TMOD1: variants seen among roughly 807,000 people sequenced by gnomAD.
TMOD1 encodes the protein tropomodulin 1.
TMOD1 carries 17 observed loss-of-function variants against 40.6 expected under a neutral mutation model. The ratio of observed to expected loss-of-function variants is 0.42; its 90% CI spans 0.29 to 0.63. TMOD1 has a LOEUF of 0.63. Ranked by LOEUF, TMOD1 falls within the 20% of genes least tolerant of loss-of-function variation. The pLI is 0.22. For synonymous variants in TMOD1, 181 were observed against 175.0 expected (o/e 1.03, Z -0.27); for missense variants, 391 against 447.6 (o/e 0.87, Z 1.14).
intron 1 of TMOD1, among the ~76,000 whole-genome samples, chr9:97,521,940 A>G (rs1829922768): frequency 6.6e-6 from 1 of 152,218 alleles, no homozygotes; most frequent in Admixed American, 6.5e-5. Flanking sequence ...ATTAACAACT[A>G]TTCCCAGGTT....
At chr9:97,594,528 C>T (rs539040982) in intron 9 of TMOD1, among the ~76,000 whole-genome samples, 8 of 152,312 alleles carry the variant, frequency 5.3e-5, no homozygotes, top group Non-Finnish European at 1.0e-4. Flanking sequence ...CCTCTCAGGC[C>T]TCCTGCTCAT....
rs745600236 is a variant in TMOD1 at position 97,524,242 on chromosome 9, C to T, written c.54C>T (p.Ile18=). 1.2e-6 allele frequency: 2 copies of T among 1,614,014 alleles called. No homozygotes were observed. The highest frequency in any genetic ancestry group is 1.7e-5 in the Admixed American group (1 of 59,994). The change falls in exon 2 of 10, where the codon ATC becomes ATT. Residue 18 remains isoleucine, a synonymous_variant. Coordinates refer to ENST00000259365, the MANE Select transcript of TMOD1 (RefSeq NM_003275.4). The part of the protein sequence containing the change: ...EKYRDLDEDE[I]LGALTEEELR... ...ACCGTGACCTGGATGAAGATGAAAT[C>T]CTTGGAGCCCTAACAGAGGAAGAGC...
chr9:97,522,937 T>C (rs1018194070), intron 1 of TMOD1, among the ~76,000 whole-genome samples: 1 of 152,208 alleles, frequency 6.6e-6, no homozygotes, highest in African/African-American at 2.4e-5. Flanking sequence ...TTAGCCAAGC[T>C]GGAGGACAAT....
intron 8 of TMOD1, among the ~76,000 whole-genome samples, chr9:97,571,262 G>C (rs1830813110): frequency 6.6e-6 from 1 of 152,222 alleles, no homozygotes; most frequent in Admixed American, 6.5e-5. Flanking sequence ...TGTGGTGGCA[G>C]CTGCCAGGGA....
At chr9:97,577,903 C>T (rs987478393) in intron 8 of TMOD1, among the ~76,000 whole-genome samples, 7 of 152,186 alleles carry the variant, frequency 4.6e-5, no homozygotes, top group Admixed American at 1.3e-4. Context: ...GTTTAGCATG[C>T]AGTAATCACT....
Position 97,591,340 on chromosome 9 carries a change from A to T in TMOD1, c.920A>T (p.Glu307Val). ...GAAATGGAGATTGTGAGCATGTTGG[A>T]AAAAAACGCAACACTTCTCAAATTC... ...KVEMEIVSML[E>V]KNATLLKFGY... The change falls in exon 9 of 10, where the codon GAA becomes GTA. Residue 307 changes from glutamate to valine, a missense_variant. Glu to Val is a moderately radical substitution (Grantham distance 121). Transcript: ENST00000259365. The T allele has an allele frequency of 6.2e-7, 1 of 1,614,088 alleles. No homozygotes were observed. The highest frequency in any genetic ancestry group is 1.1e-5 in the South Asian group (1 of 91,068).
At chr9:97,576,727 A>G (rs1024394950) in intron 8 of TMOD1, among the ~76,000 whole-genome samples, 2 of 151,040 alleles carry the variant, frequency 1.3e-5, no homozygotes, top group Admixed American at 1.3e-4. Context: ...TCCGCCTCCC[A>G]GGTTCACGCC....
chr9:97,588,304 G>A (rs1587962382), intron 8 of TMOD1, among the ~76,000 whole-genome samples: 1 of 152,166 alleles, frequency 6.6e-6, no homozygotes, highest in African/African-American at 2.4e-5. Flanking sequence ...TATGTGTGAA[G>A]TGGAATCTCA....
At chr9:97,578,922 G>A (rs1825678177) in intron 8 of TMOD1, among the ~76,000 whole-genome samples, 1 of 152,166 alleles carries the variant, frequency 6.6e-6, no homozygotes, top group Non-Finnish European at 1.5e-5. Flanking sequence ...CAGGGTTCCT[G>A]CTAACTGGGG....
intron 8 of TMOD1, among the ~76,000 whole-genome samples, chr9:97,573,043 G>C (rs1287316523): frequency 6.6e-6 from 1 of 152,242 alleles, no homozygotes; most frequent in Non-Finnish European, 1.5e-5. Flanking sequence ...GGACTAGCCT[G>C]AGGCCACAGG....
At chr9:97,520,385 T>A (rs929667585) in intron 1 of TMOD1, among the ~76,000 whole-genome samples, 1 of 152,182 alleles carries the variant, frequency 6.6e-6, no homozygotes, top group Non-Finnish European at 1.5e-5. Flanking sequence ...TTCTAAGCCA[T>A]ATTTTAAGAC....
intron 2 of TMOD1, among the ~76,000 whole-genome samples, chr9:97,545,511 G>T (rs527241517): frequency 1.3e-5 from 2 of 152,214 alleles, no homozygotes; most frequent in South Asian, 4.1e-4. Flanking sequence ...CAGGGGCGAC[G>T]TTCAAAATAT....
At position 97,600,571 on chromosome 9, in the gene TMOD1, A is replaced by G. The variant is rs1826234476; in HGVS notation, c.*873A>G. 2 of 986,274 alleles carry G rather than the reference A, an allele frequency of 2.0e-6. No homozygotes were observed. Among genetic ancestry groups the G allele is most frequent in the South Asian group, 4.7e-5 (1 of 21,338 alleles). 61.1% of individuals were successfully genotyped at this position (986,274 alleles called of 1,614,324 possible). ...TGGCTTATGTGAGGTAAGACACTAG[A>G]GGGATAAATTTCCAGATCAACATGG... On this transcript the variant is annotated 3_prime_UTR_variant, in exon 10 of 10. Coordinates refer to ENST00000259365, the MANE Select transcript of TMOD1 (RefSeq NM_003275.4).
intron 8 of TMOD1, among the ~76,000 whole-genome samples, chr9:97,589,279 ATTT>A (rs563136711): frequency 1.9e-3 from 213 of 109,466 alleles, no homozygotes; most frequent in African/African-American, 7.7e-3. Context: ...AAACTCACTA[ATTT>A]TTTTTTTTTT....
intron 8 of TMOD1, among the ~76,000 whole-genome samples, chr9:97,570,576 C>A (rs1477411221): frequency 2.0e-5 from 3 of 152,058 alleles, no homozygotes; most frequent in Non-Finnish European, 2.9e-5. Context: ...CACTAGTCTG[C>A]CATAGCTCCT....
At chr9:97,518,199 G>C (rs1462948824) in intron 1 of TMOD1, among the ~76,000 whole-genome samples, 1 of 152,190 alleles carries the variant, frequency 6.6e-6, no homozygotes, top group East Asian at 1.9e-4. Context: ...GGTCCTTAGG[G>C]AAGCCCTAAT....
At chr9:97,587,011 C>T (rs1206099715) in intron 8 of TMOD1, among the ~76,000 whole-genome samples, 5 of 152,202 alleles carry the variant, frequency 3.3e-5, no homozygotes, top group African/African-American at 9.6e-5. Flanking sequence ...TGTTCCTATT[C>T]GGCCATCTTG....
intron 1 of TMOD1, among the ~76,000 whole-genome samples, chr9:97,519,609 G>C (rs1336533628): frequency 6.6e-6 from 1 of 152,128 alleles, no homozygotes; most frequent in Admixed American, 6.5e-5. Context: ...TCTTGCCGTG[G>C]TAAAGATGGG....
At chr9:97,540,380 C>T (rs550217726) in intron 2 of TMOD1, among the ~76,000 whole-genome samples, 1 of 152,310 alleles carries the variant, frequency 6.6e-6, no homozygotes, top group East Asian at 1.9e-4. Context: ...GTTGCAGCAG[C>T]TCTCTGGTAT....
Sources: allele counts gnomAD v4.1 joint callset (sites outside exome capture counted in the v4.1 genomes callset), GRCh38; gene constraint gnomAD v4.1.1; transcripts MANE v1.5; gene names NCBI Gene and HGNC (gene_info 2026-07-23, HGNC 2026-07-21).